UGT1A6: variants seen among roughly 807,000 people sequenced by gnomAD.
UGT1A6 encodes the protein UDP glucuronosyltransferase family 1 member A6, also known as UDP-glucuronosyltransferase 1A6.
In UGT1A6, 32 loss-of-function variants were observed where a neutral mutation model predicts 44.4. The observed-to-expected ratio is 0.72, with a 90% confidence interval of 0.54 to 0.97. The LOEUF (loss-of-function observed/expected upper bound fraction) is 0.97. Among genes scored for constraint, UGT1A6 ranks in the 50% least tolerant of loss-of-function variants. UGT1A6 has a pLI of 0.00. For synonymous variants in UGT1A6, 238 were observed against 248.5 expected (o/e 0.96, Z 0.40); for missense variants, 685 against 661.9 (o/e 1.03, Z -0.38).
chr2:233,719,378 G>C, intron 1 of UGT1A6: 1 of 1,613,952 alleles, frequency 6.2e-7, no homozygotes, highest in Non-Finnish European at 8.5e-7. Flanking sequence ...AGGGCACACA[G>C]TGTCCAAATC....
intron 1 of UGT1A6, among the ~76,000 whole-genome samples, chr2:233,707,756 ATG>A (rs1340445888): frequency 2.0e-5 from 3 of 152,182 alleles, no homozygotes; most frequent in African/African-American, 4.8e-5. Context: ...TCTGAAACAC[ATG>A]TGAGTGGGTT....
At chr2:233,709,716 G>T (rs2076087983) in intron 1 of UGT1A6, among the ~76,000 whole-genome samples, 1 of 152,154 alleles carries the variant, frequency 6.6e-6, no homozygotes, top group Non-Finnish European at 1.5e-5. Context: ...TTAATTGAAT[G>T]ATATGTTTTC....
chr2:233,733,810 C>G (rs1191678424), intron 1 of UGT1A6, among the ~76,000 whole-genome samples: 1 of 152,078 alleles, frequency 6.6e-6, no homozygotes, highest in Non-Finnish European at 1.5e-5. Flanking sequence ...CAGGATGATG[C>G]TGGCCTCATA....
intron 1 of UGT1A6, among the ~76,000 whole-genome samples, chr2:233,737,465 G>A (rs1434915889): frequency 6.6e-6 from 1 of 152,178 alleles, no homozygotes; most frequent in African/African-American, 2.4e-5. Context: ...AGTCTGTCAT[G>A]GCTCCCCTTG....
At chr2:233,717,127 G>C (rs182084738) in intron 1 of UGT1A6, among the ~76,000 whole-genome samples, 1 of 152,148 alleles carries the variant, frequency 6.6e-6, no homozygotes, top group South Asian at 2.1e-4. Context: ...CATGGAAATA[G>C]AACACCACTA....
intron 1 of UGT1A6, among the ~76,000 whole-genome samples, chr2:233,726,609 C>G (rs927536139): frequency 3.4e-4 from 51 of 152,176 alleles, no homozygotes; most frequent in African/African-American, 1.2e-3. Flanking sequence ...ATTACACTGT[C>G]CTGCCCAGAT....
At chr2:233,724,141 C>A in intron 1 of UGT1A6, among the ~76,000 whole-genome samples, 1 of 115,194 alleles carries the variant, frequency 8.7e-6, no homozygotes, top group African/African-American at 4.0e-5. Context: ...CCGGACGGGG[C>A]GGCTGGCCGG....
intron 1 of UGT1A6, among the ~76,000 whole-genome samples, chr2:233,742,359 GA>G (rs1415780327): frequency 1.3e-5 from 2 of 152,084 alleles, no homozygotes; most frequent in Admixed American, 6.5e-5. Flanking sequence ...ATCTGCAGCA[GA>G]AACATGTCCT....
intron 1 of UGT1A6, among the ~76,000 whole-genome samples, chr2:233,736,231 C>A (rs570595506): frequency 2.0e-5 from 3 of 152,220 alleles, no homozygotes; most frequent in East Asian, 1.9e-4. Flanking sequence ...TTTTCTCTAA[C>A]CTTGTCTTCT....
At chr2:233,758,946 A>G (rs1697025416) in intron 1 of UGT1A6, among the ~76,000 whole-genome samples, 3 of 152,254 alleles carry the variant, frequency 2.0e-5, no homozygotes, top group Admixed American at 1.3e-4. Flanking sequence ...ATCAGTCATC[A>G]GAATTTCCCC....
chr2:233,751,084 C>T (rs1694636853), intron 1 of UGT1A6, among the ~76,000 whole-genome samples: 1 of 151,906 alleles, frequency 6.6e-6, no homozygotes, highest in Non-Finnish European at 1.5e-5. Flanking sequence ...CTGAAGGCAG[C>T]CAGGAGGAGG....
At chr2:233,714,045 A>G (rs963415304) in intron 1 of UGT1A6, among the ~76,000 whole-genome samples, 1 of 152,156 alleles carries the variant, frequency 6.6e-6, no homozygotes, top group Non-Finnish European at 1.5e-5. Context: ...CAGGGTTTCA[A>G]TGGCCACTGA....
At chr2:233,765,965 G>A (rs926314619) in intron 1 of UGT1A6, among the ~76,000 whole-genome samples, 1 of 152,142 alleles carries the variant, frequency 6.6e-6, no homozygotes, top group Admixed American at 6.5e-5. Flanking sequence ...AGTGTCTAGA[G>A]GTGGATGTTT....
chr2:233,735,071 T>C (rs1186471486), intron 1 of UGT1A6, among the ~76,000 whole-genome samples: 1 of 152,214 alleles, frequency 6.6e-6, no homozygotes, highest in Non-Finnish European at 1.5e-5. Flanking sequence ...GATATCCTTG[T>C]TAACCTTTGG....
chr2:233,772,831 T>TCACACAAGAAAG lies in UGT1A6; in HGVS notation c.*273_*274insACACAAGAAAGC. 2 of 893,952 alleles carry TCACACAAGAAAG rather than the reference T, an allele frequency of 2.2e-6. No individual in the cohort carries two copies. Among genetic ancestry groups the TCACACAAGAAAG allele is most frequent in the Non-Finnish European group, 3.1e-6 (2 of 642,656 alleles). 55.4% of individuals were successfully genotyped at this position (893,952 alleles called of 1,614,324 possible). A position where few individuals can be genotyped will look rare whatever the true frequency, so the allele number is the denominator to read the frequency against. On this transcript the variant is annotated 3_prime_UTR_variant, in exon 5 of 5. Transcript: ENST00000305139. ...AGAGGACGTGCAGACAGGCTGGCAT[T>TCACACAAGAAAG]CTAGATTACTTTTCTTACTCTGAAA...
intron 4 of UGT1A6, 146 bp from the exon 5 acceptor site, chr2:233,772,116 A>AAAC (rs1252124628): frequency 7.8e-6 from 12 of 1,531,304 alleles, no homozygotes; most frequent in South Asian, 4.9e-5. Context: ...CTGTATCTAA[A>AAAC]AACAACAACA....
At chr2:233,720,769 G>A (rs1374980919) in intron 1 of UGT1A6, among the ~76,000 whole-genome samples, 1 of 151,034 alleles carries the variant, frequency 6.6e-6, no homozygotes, top group Non-Finnish European at 1.5e-5. Flanking sequence ...GCAGTGGCCG[G>A]ATCTCCGCTC....
chr2:233,725,707 A>G (rs1000435706), intron 1 of UGT1A6, among the ~76,000 whole-genome samples: 2 of 152,208 alleles, frequency 1.3e-5, no homozygotes, highest in Non-Finnish European at 2.9e-5. Flanking sequence ...GTAGTTAGTG[A>G]CTACCATATG....
At chr2:233,717,438 C>T (rs998007797) in intron 1 of UGT1A6, among the ~76,000 whole-genome samples, 4 of 152,192 alleles carry the variant, frequency 2.6e-5, no homozygotes, top group African/African-American at 7.2e-5. Context: ...CTCTGATGGA[C>T]GCATCCATTC....
Sources: allele counts gnomAD v4.1 joint callset (sites outside exome capture counted in the v4.1 genomes callset), GRCh38; gene constraint gnomAD v4.1.1; transcripts MANE v1.5; gene names NCBI Gene and HGNC (gene_info 2026-07-23, HGNC 2026-07-21).